Variants in ZFHX3 observed in about 807,000 individuals in gnomAD.
ZFHX3 encodes zinc finger homeobox 3, also known as zinc finger homeobox protein 3.
ZFHX3 carries 42 observed loss-of-function variants against 279.1 expected under a neutral mutation model. That is an observed-to-expected ratio of 0.15 (90% CI 0.12 to 0.19). The LOEUF (loss-of-function observed/expected upper bound fraction) is 0.19. ZFHX3 is among the 10% of genes least tolerant of loss of function. The pLI, the probability that ZFHX3 is intolerant of heterozygous loss-of-function variation, is 1.00. For missense variants in ZFHX3, 4,981 were observed against 4,754.0 expected (o/e 1.05, Z -1.40); for synonymous variants, 2,293 against 1,957.8 (o/e 1.17, Z -4.52).
chr16:73,043,254 A>C (rs987589750), intron 1 of ZFHX3, among the ~76,000 whole-genome samples: 4 of 152,160 alleles, frequency 2.6e-5, no homozygotes, highest in Non-Finnish European at 5.9e-5. Flanking sequence ...CAAACCCCCC[A>C]CACAGTAATC....
chr16:73,665,862 G>T (rs1156336950), intron 2 of ZFHX3, among the ~76,000 whole-genome samples: 1 of 145,130 alleles, frequency 6.9e-6, no homozygotes, highest in African/African-American at 2.6e-5. Context: ...TGTCACCCAG[G>T]TGGAGTCTCA....
chr16:73,531,772 T>A (rs1483569587), intron 2 of ZFHX3, among the ~76,000 whole-genome samples: 4 of 150,996 alleles, frequency 2.6e-5, no homozygotes, highest in Non-Finnish European at 5.9e-5. Context: ...ACTGCAGATT[T>A]GCTATGTCCT....
At chr16:73,620,692 T>A (rs1184430039) in intron 2 of ZFHX3, among the ~76,000 whole-genome samples, 2 of 152,226 alleles carry the variant, frequency 1.3e-5, no homozygotes, top group Non-Finnish European at 2.9e-5. Flanking sequence ...CCAAAGTTAG[T>A]TGAAGTGCAT....
Position 72,797,458 on chromosome 16 carries a change from C to CTTGTTGTTGTTGTTGTTG in ZFHX3, c.5206_5223dup (p.Gln1736_Gln1741dup), listed in dbSNP as rs34918837. On this transcript the variant is annotated inframe_insertion, in exon 9 of 10. Coordinates refer to ENST00000268489, the MANE Select transcript of ZFHX3 (RefSeq NM_006885.4). ...GCCTGGGCCTGGGCCAGCGTTTGTG[C>CTTGTTGTTGTTGTTGTTG]TTGTTGTTGTTGTTGTTGTTGTTGT... is the stretch of plus-strand genomic sequence containing the variant. 1 of 1,549,550 alleles carries CTTGTTGTTGTTGTTGTTG rather than the reference C, an allele frequency of 6.5e-7. No homozygotes were observed. Among genetic ancestry groups the CTTGTTGTTGTTGTTGTTG allele is most frequent in the African/African-American group, 1.4e-5 (1 of 73,450 alleles).
chr16:73,270,483 G>A (rs972687251), intron 4 of ZFHX3, among the ~76,000 whole-genome samples: 1 of 152,180 alleles, frequency 6.6e-6, no homozygotes, highest in Admixed American at 6.5e-5. Flanking sequence ...ATCGCCCACA[G>A]CACCCAGCCC....
At chr16:73,023,230 A>AT (rs1391028859) in intron 1 of ZFHX3, among the ~76,000 whole-genome samples, 1 of 152,186 alleles carries the variant, frequency 6.6e-6, no homozygotes, top group African/African-American at 2.4e-5. Context: ...TGTCTCAAGA[A>AT]TAAATAAATA....
chr16:73,694,792 C>A (rs2053181040), intron 1 of ZFHX3, among the ~76,000 whole-genome samples: 1 of 152,210 alleles, frequency 6.6e-6, no homozygotes, highest in African/African-American at 2.4e-5. Flanking sequence ...CTCTTCACCG[C>A]ATCTCTCTCC....
intron 1 of ZFHX3, among the ~76,000 whole-genome samples, chr16:73,755,743 T>C (rs1024645867): frequency 6.6e-6 from 1 of 152,180 alleles, no homozygotes; most frequent in African/African-American, 2.4e-5. Context: ...CAGCTGCTTA[T>C]CAAAATGAAG....
intron 4 of ZFHX3, among the ~76,000 whole-genome samples, chr16:72,865,639 G>A (rs1408055745): frequency 8.6e-3 from 1 of 116 alleles, no homozygotes; most frequent in Non-Finnish European, 0.022. Flanking sequence ...TGAGATGGAG[G>A]GTACCTCCAC....
chr16:72,930,568 G>A (rs1006501360), intron 3 of ZFHX3, among the ~76,000 whole-genome samples: 1 of 152,140 alleles, frequency 6.6e-6, no homozygotes, highest in African/African-American at 2.4e-5. Context: ...TGGCAAGGAT[G>A]CTTCAGAAAT....
intron 1 of ZFHX3, among the ~76,000 whole-genome samples, chr16:73,879,284 GAAA>G: frequency 1.9e-5 from 2 of 107,772 alleles, no homozygotes; most frequent in South Asian, 6.0e-4. Context: ...AGCAGGTGGA[GAAA>G]AAAAAAAAAA....
Position 73,667,571 on chromosome 16 carries a change from A to G in ZFHX3, c.-1547+12609T>C, listed in dbSNP as rs566418141. Among the ~76,000 whole-genome samples the G allele has an allele frequency of 3.3e-5, 5 of 152,328 alleles. No individual in the cohort carries two copies. In the East Asian group the frequency reaches 9.7e-4, roughly 29 times the overall value. On this transcript the variant is annotated intron_variant, in intron 2 of 17. Coordinates refer to the ZFHX3 transcript ENST00000641206. ...ACAGTTTAGTTGCTTATTTGCCACA[A>G]GATAAAGACCTGCTAAGTAAGAATG... is the stretch of plus-strand genomic sequence containing the variant.
intron 2 of ZFHX3, among the ~76,000 whole-genome samples, chr16:73,672,073 T>C (rs55776706): frequency 0.21 from 31,642 of 151,580 alleles, 3,404 homozygotes; most frequent in South Asian, 0.23. Flanking sequence ...GAAACACAGG[T>C]AACCAAAGCA....
chr16:72,785,166 A>G lies in ZFHX3; in HGVS notation c.*1998T>C, dbSNP rs761023518. On this transcript the variant is annotated 3_prime_UTR_variant, in exon 10 of 10. Coordinates refer to ENST00000268489, the MANE Select transcript of ZFHX3 (RefSeq NM_006885.4). ...ATGAAAGTGAAACAGCAAAGCATCT[A>G]TTTATTTGTCTCCAAAATCTATGTT... 2 of 152,658 alleles carry G rather than the reference A, an allele frequency of 1.3e-5. No individual in the cohort carries two copies. Among genetic ancestry groups the G allele is most frequent in the African/African-American group, 4.8e-5 (2 of 41,448 alleles). 9.5% of individuals were successfully genotyped at this position (152,658 alleles called of 1,614,324 possible).
intron 5 of ZFHX3, among the ~76,000 whole-genome samples, chr16:73,145,434 G>T (rs1465066570): frequency 6.6e-6 from 1 of 152,214 alleles, no homozygotes; most frequent in African/African-American, 2.4e-5. Context: ...GCAGCCTCCT[G>T]CGGAGGACCT....
chr16:73,052,929 G>A (rs576030904), upstream of ZFHX3, among the ~76,000 whole-genome samples: 352 of 152,268 alleles, frequency 2.3e-3, 2 homozygotes, highest in Non-Finnish European at 1.6e-3. Flanking sequence ...CCAGGGCCAC[G>A]GAAGGGGGGA....
intron 5 of ZFHX3, among the ~76,000 whole-genome samples, chr16:73,195,559 C>T (rs1460311253): frequency 1.3e-5 from 2 of 151,910 alleles, no homozygotes; most frequent in African/African-American, 4.8e-5. Context: ...GCTGGGACTA[C>T]AGGCATGCAC....
At chr16:73,511,377 A>G (rs558297725) in intron 2 of ZFHX3, among the ~76,000 whole-genome samples, 1 of 152,290 alleles carries the variant, frequency 6.6e-6, no homozygotes, top group East Asian at 1.9e-4. Flanking sequence ...ATCTAGGCCA[A>G]GACAGTTGGT....
intron 3 of ZFHX3, among the ~76,000 whole-genome samples, chr16:73,394,823 C>G (rs1353459520): frequency 1.3e-5 from 2 of 152,178 alleles, no homozygotes; most frequent in Non-Finnish European, 2.9e-5. Context: ...CTGACCTAAG[C>G]ATCTTACATA....
Sources: gnomAD v4.1 joint callset for allele counts (sites outside exome capture counted in the v4.1 genomes callset) on GRCh38, gnomAD v4.1.1 for gene constraint, MANE v1.5 for transcripts, NCBI Gene and HGNC (gene_info 2026-07-23, HGNC 2026-07-21) for gene names.